The following GTF2H5 variants were observed in gnomAD, a reference collection of about 807,000 sequenced individuals.
GTF2H5 encodes the protein general transcription factor IIH subunit 5.
GTF2H5 carries 5 observed loss-of-function variants against 7.1 expected under a neutral mutation model. That is an observed-to-expected ratio of 0.71 (90% CI 0.37 to 1.49). GTF2H5 has a LOEUF of 1.49. Ranked by LOEUF, GTF2H5 falls within the 40% of genes most tolerant of loss-of-function variation. The pLI, the probability that GTF2H5 is intolerant of heterozygous loss-of-function variation, is 0.03. For missense variants in GTF2H5, 80 were observed against 83.0 expected, an observed-to-expected ratio of 0.96 and a Z score of 0.14; for synonymous variants, 30 against 31.7, an observed-to-expected ratio of 0.95 and a Z score of 0.18.
intron 2 of GTF2H5, among the ~76,000 whole-genome samples, chr6:158,174,649 C>G (rs538703595): frequency 2.8e-4 from 43 of 152,312 alleles, no homozygotes; most frequent in African/African-American, 1.0e-3. Context: ...GCAAGCAACA[C>G]ATGACCACAG....
In GTF2H5 at chr6:158,181,573, C is replaced by T. The variant is rs549216891; in HGVS notation, c.36-10404C>T. ...GGTCCCCCTGTATTGGGTGCATATA[C>T]GTTTAGGTTAGTTAGCTCTTCTTGT... On this transcript the variant is annotated intron_variant, in intron 2 of 2. Coordinates refer to ENST00000607778, the MANE Select transcript of GTF2H5 (RefSeq NM_207118.3). 7.9e-5 allele frequency among the ~76,000 whole-genome samples: 12 copies of T among 152,242 alleles called. No individual in the cohort carries two copies. The South Asian group carries it at 8.3e-4, about 11-fold the overall frequency.
intron 2 of GTF2H5, among the ~76,000 whole-genome samples, chr6:158,184,443 C>T (rs1200315375): frequency 6.6e-6 from 1 of 152,100 alleles, no homozygotes; most frequent in African/African-American, 2.4e-5. Context: ...AGTAAAACCC[C>T]TATTATATGT....
chr6:158,186,842 AG>A (rs1776933050), intron 2 of GTF2H5, among the ~76,000 whole-genome samples: 1 of 152,216 alleles, frequency 6.6e-6, no homozygotes, highest in African/African-American at 2.4e-5. Context: ...TGATTGAAAG[AG>A]TTATTATCTA....
At chr6:158,174,717 A>G (rs1193266953) in intron 2 of GTF2H5, among the ~76,000 whole-genome samples, 1 of 152,188 alleles carries the variant, frequency 6.6e-6, no homozygotes, top group African/African-American at 2.4e-5. Flanking sequence ...AGTTGCCACA[A>G]TTGGTTTGGC....
At chr6:158,189,622 C>G (rs553416933) in intron 2 of GTF2H5, among the ~76,000 whole-genome samples, 50 of 152,294 alleles carry the variant, frequency 3.3e-4, no homozygotes, top group African/African-American at 1.1e-3. Flanking sequence ...TCATACCTCA[C>G]TCCATCATTT....
At chr6:158,189,364 A>C (rs1776982834) in intron 2 of GTF2H5, among the ~76,000 whole-genome samples, 1 of 151,986 alleles carries the variant, frequency 6.6e-6, no homozygotes, top group Non-Finnish European at 1.5e-5. Flanking sequence ...CCCTTGAAAA[A>C]ACTATCTTCA....
At chr6:158,190,717 G>A (rs1379363040) in intron 2 of GTF2H5, 1 of 415,070 alleles carries the variant, frequency 2.4e-6, no homozygotes, top group African/African-American at 2.1e-5. Context: ...GACATCTTTT[G>A]GATTAAATTG....
chr6:158,174,066 G>A (rs1315514404), intron 2 of GTF2H5, among the ~76,000 whole-genome samples: 1 of 152,074 alleles, frequency 6.6e-6, no homozygotes, highest in African/African-American at 2.4e-5. Context: ...TGCTTTTGTT[G>A]CCATCTTGGT....
In GTF2H5 at chr6:158,192,204, A is replaced by G. The variant is rs1312395879; in HGVS notation, c.*47A>G. The stretch of plus-strand genomic sequence containing the variant: ...TAGGAATTATAAGCAGCAACTGTGA[A>G]AGACTTGCCACTCAATATCTTAGGT... On this transcript the variant is annotated 3_prime_UTR_variant, in exon 3 of 3. Coordinates refer to ENST00000607778, the MANE Select transcript of GTF2H5 (RefSeq NM_207118.3). 1 of 1,435,182 alleles carries G rather than the reference A, an allele frequency of 7.0e-7. No homozygotes were observed. Among genetic ancestry groups the G allele is most frequent in the Non-Finnish European group, 9.8e-7 (1 of 1,020,224 alleles). The allele number at this position is 1,435,182 out of a possible 1,614,324, so 88.9% of individuals were successfully genotyped here. A position where few individuals can be genotyped will look rare whatever the true frequency, so the allele number is the denominator to read the frequency against.
rs3841147 is a variant in GTF2H5, at chr6:158,192,342, TAA to T, written c.*197_*198del. 0.018 allele frequency: 8,621 copies of T among 483,164 alleles called. No individual in the cohort carries two copies. The highest frequency in any genetic ancestry group is 0.07 in the East Asian group (1,933 of 27,480). 29.9% of individuals were successfully genotyped at this position (483,164 alleles called of 1,614,324 possible). ...GAACTGATTTTGTTACCATAGAATT[TAA>T]AAAAAAAAAAAGCTTTAACAGTTGG... On this transcript the variant is annotated 3_prime_UTR_variant, in exon 3 of 3. Coordinates refer to ENST00000607778, the MANE Select transcript of GTF2H5 (RefSeq NM_207118.3).
chr6:158,192,055 T>G lies in GTF2H5; in HGVS notation c.114T>G (p.Ile38Met). 3.1e-6 allele frequency: 5 copies of G among 1,613,194 alleles called. No individual in the cohort carries two copies. The highest frequency in any genetic ancestry group is 3.4e-6 in the Non-Finnish European group (4 of 1,179,140). ...ALGKKFIIQDIDDTHVFVIAE... is the reference protein window; with the variant it reads ...ALGKKFIIQDMDDTHVFVIAE... ...GGAAGAAGTTCATCATTCAAGACAT[T>G]GATGACACTCACGTCTTTGTAATAG... Residue 38 changes from isoleucine to methionine, a missense_variant, in exon 3 of 3, where the codon ATT (isoleucine) becomes ATG (methionine). Physicochemically the swap from Ile to Met is conservative, Grantham distance 10 (BLOSUM62 1). Transcript: ENST00000607778.
At chr6:158,170,362 CTG>C in intron 1 of GTF2H5, 106 bp from the exon 2 acceptor site, 1 of 683,506 alleles carries the variant, frequency 1.5e-6, no homozygotes, top group South Asian at 1.7e-5. Context: ...ATAGACTTAA[CTG>C]TTAAATATTG....
chr6:158,189,368 A>C (rs985380948), intron 2 of GTF2H5, among the ~76,000 whole-genome samples: 8 of 152,114 alleles, frequency 5.3e-5, no homozygotes, highest in Admixed American at 3.9e-4. Flanking sequence ...TGAAAAAACT[A>C]TCTTCAGTAG....
chr6:158,192,319 A>G lies in GTF2H5; in HGVS notation c.*162A>G. ...ATTTGTTCAGAAAAAAAGCCCCTGA[A>G]CTGATTTTGTTACCATAGAATTTAA... is the stretch of plus-strand genomic sequence containing the variant. On this transcript the variant is annotated 3_prime_UTR_variant, in exon 3 of 3. Transcript: ENST00000607778. 1 of 616,976 alleles carries G rather than the reference A, an allele frequency of 1.6e-6. No homozygotes were observed. 38.2% of individuals were successfully genotyped at this position (616,976 alleles called of 1,614,324 possible). A position where few individuals can be genotyped will look rare whatever the true frequency, so the allele number is the denominator to read the frequency against.
chr6:158,186,950 T>C (rs755414908), intron 2 of GTF2H5, among the ~76,000 whole-genome samples: 1 of 152,174 alleles, frequency 6.6e-6, no homozygotes, highest in Admixed American at 6.5e-5. Flanking sequence ...GGTAGCAGGC[T>C]TCAGAGTTGT....
At chr6:158,185,103 G>A (rs1381456467) in intron 2 of GTF2H5, among the ~76,000 whole-genome samples, 2 of 149,802 alleles carry the variant, frequency 1.3e-5, no homozygotes, top group Non-Finnish European at 3.0e-5. Context: ...AATATTCCAG[G>A]CTCTTTGTGT....
rs144106337 is a variant in GTF2H5 at position 158,192,142 on chromosome 6, C to T, written c.201C>T (p.Ser67=). Residue 67 remains serine (S), a synonymous_variant, in exon 3 of 3, where the codon TCC becomes TCT. Transcript: ENST00000607778. ...AATTAATGGACCAAAATGCTTTTTCCCTTACCCAGAAATGAAAATACTCAA... is the reference window on the plus strand; with the variant it reads ...AATTAATGGACCAAAATGCTTTTTCTCTTACCCAGAAATGAAAATACTCAA... ...VGELMDQNAF[S]LTQK 3.7e-6 allele frequency: 6 copies of T among 1,612,304 alleles called. No individual in the cohort carries two copies. The African/African-American group carries it at 4.0e-5, about 11-fold the overall frequency.
Position 158,194,886 on chromosome 6 carries a change from T to C in GTF2H5, c.*2729T>C, listed in dbSNP as rs892125625. ...AATAAGTGAAGGAAAATATGAGCTC[T>C]TATTTTTAAAAAGTTGTGTTGGGGC... On this transcript the variant is annotated 3_prime_UTR_variant, in exon 3 of 3. Transcript: ENST00000607778. 4.6e-5 allele frequency: 7 copies of C among 152,218 alleles called. No homozygotes were observed. The highest frequency in any genetic ancestry group is 1.7e-4 in the African/African-American group (7 of 41,450). 9.4% of individuals were successfully genotyped at this position (152,218 alleles called of 1,614,324 possible). A position where few individuals can be genotyped will look rare whatever the true frequency, so the allele number is the denominator to read the frequency against.
chr6:158,176,454 T>C (rs1237478163), intron 2 of GTF2H5, among the ~76,000 whole-genome samples: 1 of 152,182 alleles, frequency 6.6e-6, no homozygotes, highest in Non-Finnish European at 1.5e-5. Context: ...CTTGAACTCC[T>C]GACCTCGTGA....
Sources: allele counts gnomAD v4.1 joint callset (sites outside exome capture counted in the v4.1 genomes callset), GRCh38; gene constraint gnomAD v4.1.1; transcripts MANE v1.5; gene names NCBI Gene and HGNC (gene_info 2026-07-23, HGNC 2026-07-21).